DNAH3: variants seen among roughly 807,000 people sequenced by gnomAD.
The protein encoded by DNAH3 is axonemal beta dynein heavy chain 3.
A neutral mutation model predicts 432.5 loss-of-function variants in DNAH3; 332 were observed. The observed-to-expected ratio is 0.77, with a 90% CI of 0.70 to 0.84. The LOEUF (loss-of-function observed/expected upper bound fraction) is 0.84. DNAH3 is among the 40% of genes least tolerant of loss of function. The pLI is 0.00. For missense variants in DNAH3, 4,861 were observed against 5,114.0 expected (o/e 0.95, Z 1.51); for synonymous variants, 1,956 against 1,900.2 (o/e 1.03, Z -0.76).
intron 35 of DNAH3, among the ~76,000 whole-genome samples, 179 bp downstream of exon 35, chr16:21,036,535 C>T (rs2089178143): frequency 1.3e-5 from 2 of 152,290 alleles, no homozygotes; most frequent in South Asian, 4.1e-4. Flanking sequence ...CCACCTCAGC[C>T]TCTCAAGTAG....
At chr16:21,085,636 G>C (rs1243560796) in intron 19 of DNAH3, among the ~76,000 whole-genome samples, 1 of 151,758 alleles carries the variant, frequency 6.6e-6, no homozygotes, top group African/African-American at 2.4e-5. Context: ...GACTTTTTGG[G>C]AAACTGAAAG....
chr16:20,936,697 A>G (rs2083602854), exon 60 of DNAH3: 1 of 1,608,026 alleles, frequency 6.2e-7, no homozygotes, highest in Non-Finnish European at 8.5e-7. Flanking sequence ...AGCCCCCCAG[A>G]GGCTTCAGTG....
At chr16:21,136,180 A>G (rs1327991532) in intron 6 of DNAH3, 144 bp downstream of exon 7, 2 of 733,280 alleles carry the variant, frequency 2.7e-6, no homozygotes, top group Admixed American at 2.7e-5. Flanking sequence ...TTGGGAGGCT[A>G]AGGAGGGAGG....
chr16:21,150,989 A>G (rs1359848669), intron 1 of DNAH3, among the ~76,000 whole-genome samples, 143 bp from the exon 1 acceptor site: 1 of 152,200 alleles, frequency 6.6e-6, no homozygotes, highest in East Asian at 1.9e-4. Flanking sequence ...TGGTGACAGA[A>G]GGGAACATGG....
At chr16:20,997,051 T>G in intron 44 of DNAH3, 1 of 468,146 alleles carries the variant, frequency 2.1e-6, no homozygotes, top group Non-Finnish European at 3.8e-6. Context: ...CCTATGAGAC[T>G]CTCTGTTTCT....
intron 1 of DNAH3, among the ~76,000 whole-genome samples, chr16:21,158,181 C>T (rs933937232): frequency 6.6e-6 from 1 of 152,180 alleles, no homozygotes; most frequent in Non-Finnish European, 1.5e-5. Flanking sequence ...AATGGACATC[C>T]AATCCATCTG....
exon 53 of DNAH3, chr16:20,964,341 G>A (rs1054334139): frequency 5.6e-6 from 9 of 1,614,162 alleles, no homozygotes; most frequent in African/African-American, 1.3e-5. Flanking sequence ...CTTCTGGGAG[G>A]TAATGTGGAT....
chr16:21,067,776 GGAGAGAGA>G (rs60889532), intron 23 of DNAH3, among the ~76,000 whole-genome samples: 3 of 40,880 alleles, frequency 7.3e-5, no homozygotes, highest in Non-Finnish European at 1.3e-4. Flanking sequence ...GGGTGGGGAG[GGAGAGAGA>G]GAGAGAGAGA....
chr16:21,031,152 C>G (rs768355450), exon 37 of DNAH3: 1 of 1,613,994 alleles, frequency 6.2e-7, no homozygotes, highest in African/African-American at 1.3e-5. Context: ...GACGCTTGCT[C>G]CCGGAAAGCA....
intron 16 of DNAH3, among the ~76,000 whole-genome samples, chr16:21,100,418 A>C (rs151291742): frequency 1.3e-5 from 2 of 152,242 alleles, no homozygotes; most frequent in Non-Finnish European, 2.9e-5. Flanking sequence ...AATAAGCTGT[A>C]ATTTTAGACT....
At chr16:21,155,520 G>T (rs2092892103) in intron 1 of DNAH3, among the ~76,000 whole-genome samples, 1 of 149,728 alleles carries the variant, frequency 6.7e-6, no homozygotes, top group Admixed American at 6.8e-5. Context: ...TACTCCGGAG[G>T]CTTTGGCAGG....
chr16:21,005,354 C>G (rs2087243214), intron 41 of DNAH3, among the ~76,000 whole-genome samples: 2 of 139,272 alleles, frequency 1.4e-5, no homozygotes, highest in Admixed American at 1.5e-4. Flanking sequence ...CTTCCTTCCT[C>G]TCTTTCATTC....
At chr16:21,038,506 A>G (rs1300787947) in intron 33 of DNAH3, among the ~76,000 whole-genome samples, 1 of 152,142 alleles carries the variant, frequency 6.6e-6, no homozygotes, top group Admixed American at 6.6e-5. Flanking sequence ...TTTTCAGATG[A>G]GATTGGCTGC....
intron 9 of DNAH3, among the ~76,000 whole-genome samples, chr16:21,124,070 G>A (rs963708180): frequency 6.6e-6 from 1 of 152,194 alleles, no homozygotes; most frequent in African/African-American, 2.4e-5. Context: ...GGGATTACAG[G>A]CGTGAGCCAC....
At chr16:20,986,373 T>C (rs543001181) in intron 47 of DNAH3, among the ~76,000 whole-genome samples, 3 of 151,898 alleles carry the variant, frequency 2.0e-5, no homozygotes, top group Non-Finnish European at 4.4e-5. Context: ...CTGGGCATCG[T>C]GGTGCACACC....
intron 50 of DNAH3, among the ~76,000 whole-genome samples, chr16:20,978,699 AATTTT>A (rs1468430424): frequency 8.6e-5 from 13 of 152,018 alleles, no homozygotes; most frequent in African/African-American, 2.7e-4. Flanking sequence ...GCACTTGGCT[AATTTT>A]ATTTTATTTA....
chr16:21,111,801 T>A (rs755243498), exon 14 of DNAH3: 82 of 1,612,802 alleles, frequency 5.1e-5, no homozygotes, highest in Non-Finnish European at 6.8e-5. Context: ...ATGGCATTGA[T>A]CTTCTGCAGA....
intron 44 of DNAH3, among the ~76,000 whole-genome samples, chr16:20,996,469 T>C (rs1261300716): frequency 6.6e-6 from 1 of 151,546 alleles, no homozygotes; most frequent in African/African-American, 2.4e-5. Flanking sequence ...ATCCTTAACT[T>C]TTTTTTTTGA....
chr16:21,153,383 T>A (rs986110819), intron 1 of DNAH3, among the ~76,000 whole-genome samples: 3 of 152,046 alleles, frequency 2.0e-5, no homozygotes, highest in African/African-American at 7.2e-5. Flanking sequence ...GGACACTCTG[T>A]GTCTAGCTAA....
Sources: gnomAD v4.1 joint callset for allele counts (sites outside exome capture counted in the v4.1 genomes callset) on GRCh38, gnomAD v4.1.1 for gene constraint, MANE v1.5 for transcripts, NCBI Gene and HGNC (gene_info 2026-07-23, HGNC 2026-07-21) for gene names.